The following TSHZ2 variants were observed in gnomAD, a reference collection of about 807,000 sequenced individuals.
TSHZ2 encodes teashirt homolog 2.
TSHZ2 carries 21 observed loss-of-function variants against 74.4 expected under a neutral mutation model. That is an observed-to-expected ratio of 0.28 (90% CI 0.20 to 0.41). The LOEUF (loss-of-function observed/expected upper bound fraction) is 0.41. TSHZ2 is among the 10% of genes least tolerant of loss of function. The probability of loss-of-function intolerance (pLI) is 1.00; values close to 1 mark genes in which losing one functional copy is unlikely to be tolerated. For missense variants in TSHZ2, 1,244 were observed against 1,293.5 expected (o/e 0.96, Z 0.59); for synonymous variants, 540 against 515.3 (o/e 1.05, Z -0.65).
Position 53,184,033 on chromosome 20 carries a change from C to T in TSHZ2, c.41-69466C>T, listed in dbSNP as rs537654497. Among the ~76,000 whole-genome samples, 239 of 152,344 alleles carry T rather than the reference C, an allele frequency of 1.6e-3. 1 individual carries two copies. Among genetic ancestry groups the T allele is most frequent in the African/African-American group, 5.5e-3 (230 of 41,570 alleles). ...AGAAGACGTGCAATGCCAAGGCCAACAGTCAGTTCCCTCTCAGTCGCTTCA... is the reference window on the plus strand; with the variant it reads ...AGAAGACGTGCAATGCCAAGGCCAATAGTCAGTTCCCTCTCAGTCGCTTCA... On this transcript the variant is annotated intron_variant, in intron 1 of 2. Coordinates refer to ENST00000371497, the MANE Select transcript of TSHZ2 (RefSeq NM_173485.6).
intron 2 of TSHZ2, among the ~76,000 whole-genome samples, chr20:53,388,432 G>C (rs748475389): frequency 6.6e-6 from 1 of 152,106 alleles, no homozygotes; most frequent in Non-Finnish European, 1.5e-5. Flanking sequence ...CAGGAAATGC[G>C]CATCAAAACA....
At chr20:53,090,046 C>T (rs1388490730) in intron 1 of TSHZ2, among the ~76,000 whole-genome samples, 3 of 152,298 alleles carry the variant, frequency 2.0e-5, no homozygotes, top group East Asian at 1.9e-4. Context: ...AGTTTGTGGC[C>T]GAAGGCCCAA....
At position 53,259,684 on chromosome 20, in the gene TSHZ2, G is replaced by A. The variant is rs372008267; in HGVS notation, c.*8+3113G>A. Among the ~76,000 whole-genome samples, 13 of 152,334 alleles carry A rather than the reference G, an allele frequency of 8.5e-5. No homozygotes were observed. In the East Asian group the frequency reaches 1.4e-3, roughly 16 times the overall value. ...CTTGATAAAAACACATATTCAGGGT[G>A]AAAAGCGCGTAAGGTTGCCAGACAA... On this transcript the variant is annotated intron_variant, in intron 2 of 2. Transcript: ENST00000371497.
At chr20:53,165,085 A>G (rs955973610) in intron 1 of TSHZ2, among the ~76,000 whole-genome samples, 2 of 152,008 alleles carry the variant, frequency 1.3e-5, no homozygotes, top group Admixed American at 1.3e-4. Flanking sequence ...AGATGAGTGG[A>G]TGGAAGGGTG....
chr20:53,437,503 G>A (rs979806595), intron 2 of TSHZ2, among the ~76,000 whole-genome samples: 1 of 151,712 alleles, frequency 6.6e-6, no homozygotes, highest in Non-Finnish European at 1.5e-5. Context: ...AAAGAAAAAA[G>A]AAAAATCCAC....
At chr20:53,168,163 G>T (rs1293395) in intron 1 of TSHZ2, among the ~76,000 whole-genome samples, 9,027 of 152,210 alleles carry the variant, frequency 0.059, 333 homozygotes, top group Non-Finnish European at 0.078. Flanking sequence ...ATTTGTTCAG[G>T]GTTTGTCCAA....
Position 53,253,682 on chromosome 20 carries a change from C to T in TSHZ2, c.224C>T (p.Ser75Phe), listed in dbSNP as rs953955804. 8 of 1,614,008 alleles carry T rather than the reference C, an allele frequency of 5.0e-6. No individual in the cohort carries two copies. The highest frequency in any genetic ancestry group is 6.8e-6 in the Non-Finnish European group (8 of 1,180,018). ...CAGAACTCTCCAGGAAGTCATTTGTCCAATCAGGATGCCGAGAACGAGTCT... is the reference window on the plus strand; with the variant it reads ...CAGAACTCTCCAGGAAGTCATTTGTTCAATCAGGATGCCGAGAACGAGTCT... ...SYQNSPGSHLSNQDAENESLL... is the reference protein window; with the variant it reads ...SYQNSPGSHLFNQDAENESLL... Residue 75 changes from serine (S) to phenylalanine (F), a missense_variant, in exon 2 of 3, where the codon TCC (serine) becomes TTC (phenylalanine). Ser to Phe is a radical substitution (Grantham distance 155). This residue lies in a region of TSHZ2 where 470 missense variants were observed against 456.5 expected (regional missense o/e 1.03). Coordinates refer to ENST00000371497, the MANE Select transcript of TSHZ2 (RefSeq NM_173485.6).
rs1986479133 is a variant in TSHZ2, at chr20:53,492,648, G to A, written c.*5513G>A. Reference sequence around the variant, plus strand: ...AACCCCTTTAAAATCAAGAAGCTAGGTGATCATACAGTCATTTCAATGGCC... The same window carrying A: ...AACCCCTTTAAAATCAAGAAGCTAGATGATCATACAGTCATTTCAATGGCC... On this transcript the variant is annotated 3_prime_UTR_variant, in exon 3 of 3. Coordinates refer to ENST00000371497, the MANE Select transcript of TSHZ2 (RefSeq NM_173485.6). 1.3e-5 allele frequency: 2 copies of A among 152,120 alleles called. No homozygotes were observed. Among genetic ancestry groups the A allele is most frequent in the Non-Finnish European group, 2.9e-5 (2 of 68,038 alleles). The allele number at this position is 152,120 out of a possible 1,614,324, so 9.4% of individuals were successfully genotyped here. A position where few individuals can be genotyped will look rare whatever the true frequency, so the allele number is the denominator to read the frequency against.
intron 1 of TSHZ2, among the ~76,000 whole-genome samples, chr20:53,111,635 C>G (rs1162216896): frequency 6.6e-6 from 1 of 152,182 alleles, no homozygotes; most frequent in East Asian, 1.9e-4. Flanking sequence ...AACATTGGTG[C>G]AAAGCCTCAG....
chr20:52,983,344 C>T (rs1981636413), intron 1 of TSHZ2, among the ~76,000 whole-genome samples: 1 of 152,156 alleles, frequency 6.6e-6, no homozygotes, highest in African/African-American at 2.4e-5. Flanking sequence ...ATGGGTTCTT[C>T]CTCACAAATG....
chr20:53,168,111 A>G (rs1406950101), intron 1 of TSHZ2, among the ~76,000 whole-genome samples: 1 of 152,194 alleles, frequency 6.6e-6, no homozygotes, highest in Non-Finnish European at 1.5e-5. Flanking sequence ...TCCAGAAGGC[A>G]AGCAAACCTC....
chr20:53,212,312 A>G (rs1281778574), intron 1 of TSHZ2, among the ~76,000 whole-genome samples: 3 of 152,356 alleles, frequency 2.0e-5, no homozygotes, highest in Non-Finnish European at 4.4e-5. Flanking sequence ...AACAGTTTGG[A>G]GAAACCTAAC....
At chr20:53,205,394 G>A (rs1361736430) in intron 1 of TSHZ2, among the ~76,000 whole-genome samples, 1 of 152,196 alleles carries the variant, frequency 6.6e-6, no homozygotes, top group African/African-American at 2.4e-5. Context: ...CCAAACAGGT[G>A]TACTTTACTC....
intron 2 of TSHZ2, among the ~76,000 whole-genome samples, chr20:53,422,485 G>C (rs373213313): frequency 1.3e-5 from 2 of 152,060 alleles, no homozygotes; most frequent in Non-Finnish European, 2.9e-5. Flanking sequence ...CAATTTATAC[G>C]TTCTCAACAC....
chr20:52,989,121 G>A (rs1981879706), intron 1 of TSHZ2, among the ~76,000 whole-genome samples: 1 of 147,844 alleles, frequency 6.8e-6, no homozygotes, highest in East Asian at 2.0e-4. Flanking sequence ...ATCTGAGAGG[G>A]AGAATGTTGT....
At chr20:53,010,603 C>T (rs71356159) in intron 1 of TSHZ2, among the ~76,000 whole-genome samples, 4,463 of 152,108 alleles carry the variant, frequency 0.029, 100 homozygotes, top group Middle Eastern at 0.054. Flanking sequence ...AAATAAAATG[C>T]TGATATGCTG....
intron 2 of TSHZ2, among the ~76,000 whole-genome samples, chr20:53,468,931 G>T (rs1253400758): frequency 6.7e-6 from 1 of 149,276 alleles, no homozygotes; most frequent in Non-Finnish European, 1.5e-5. Flanking sequence ...TTCTTCAAGG[G>T]TCTGATGAAG....
chr20:53,133,592 G>A (rs984457914), intron 1 of TSHZ2, among the ~76,000 whole-genome samples: 3 of 152,186 alleles, frequency 2.0e-5, no homozygotes, highest in Non-Finnish European at 2.9e-5. Flanking sequence ...GGATAATTCT[G>A]CTTAAAAATA....
chr20:52,973,269 A>G lies in TSHZ2; in HGVS notation c.-25A>G. ...GCGCGGCTCGGGGCTGGGGCGCCAG[A>G]AGTGGGACTGGAGCGAAGTAGAGGA... On this transcript the variant is annotated 5_prime_UTR_variant, in exon 1 of 3. Transcript: ENST00000371497. 2 of 1,552,188 alleles carry G rather than the reference A, an allele frequency of 1.3e-6. No homozygotes were observed. The highest frequency in any genetic ancestry group is 1.7e-6 in the Non-Finnish European group (2 of 1,147,116).
Sources: gnomAD v4.1 joint callset for allele counts (sites outside exome capture counted in the v4.1 genomes callset) on GRCh38, gnomAD v4.1.1 for gene constraint, gnomAD v4.1.1 regional missense constraint, MANE v1.5 for transcripts, NCBI Gene and HGNC (gene_info 2026-07-23, HGNC 2026-07-21) for gene names.